The following SLC35A1 variants were observed in gnomAD, a reference collection of about 807,000 sequenced individuals.
SLC35A1 encodes the protein solute carrier family 35 member A1.
A neutral mutation model predicts 40.3 loss-of-function variants in SLC35A1; 21 were observed. The observed-to-expected ratio is 0.52, with a 90% CI of 0.37 to 0.75. The LOEUF is 0.75. Ranked by LOEUF, SLC35A1 falls within the 30% of genes least tolerant of loss-of-function variation. The probability of loss-of-function intolerance (pLI) is 0.00; values close to 1 mark genes in which losing one functional copy is unlikely to be tolerated. For synonymous variants in SLC35A1, 146 were observed against 147.3 expected (o/e 0.99, Z 0.06); for missense variants, 297 against 382.1 (o/e 0.78, Z 1.86).
chr6:87,480,912 G>T (rs1264763006), intron 2 of SLC35A1, among the ~76,000 whole-genome samples: 1 of 152,152 alleles, frequency 6.6e-6, no homozygotes, highest in Non-Finnish European at 1.5e-5. Flanking sequence ...AGTCTTGGTG[G>T]TTAGCAGCAC....
intron 1 of SLC35A1, among the ~76,000 whole-genome samples, chr6:87,473,755 G>C (rs375358590): frequency 1.3e-5 from 2 of 152,230 alleles, no homozygotes; most frequent in East Asian, 3.8e-4. Flanking sequence ...TTGCTGAGCA[G>C]TGTGTGTAAG....
chr6:87,508,389 T>G, intron 5 of SLC35A1, 31 bp from the exon 6 acceptor site: 1 of 1,401,648 alleles, frequency 7.1e-7, no homozygotes, highest in Non-Finnish European at 1.0e-6. Context: ...TATAGTAATC[T>G]TTAATATTTG....
Position 87,508,474 on chromosome 6 carries a change from A to G in SLC35A1, c.629A>G (p.Asn210Ser), listed in dbSNP as rs1337480441. 1.2e-6 allele frequency: 2 copies of G among 1,612,554 alleles called. No individual in the cohort carries two copies. Among genetic ancestry groups the G allele is most frequent in the Non-Finnish European group, 1.7e-6 (2 of 1,178,996 alleles). The change falls in exon 6 of 8, where the codon AAC becomes AGC. Residue 210 changes from asparagine (N) to serine (S), a missense_variant. Physicochemically the swap from Asn to Ser is conservative, Grantham distance 46. Transcript: ENST00000369552. Reference protein sequence around the residue: ...KSSDTSLWVRNIQMYLSGIIV... With the variant: ...KSSDTSLWVRSIQMYLSGIIV... ...TCAGATACTTCTCTTTGGGTGAGAA[A>G]CATTCAAATGTATCTATCAGGGATT...
At chr6:87,481,417 C>CAA (rs200106266) in intron 2 of SLC35A1, among the ~76,000 whole-genome samples, 10 of 116,812 alleles carry the variant, frequency 8.6e-5, no homozygotes, top group East Asian at 2.6e-4. Context: ...AACTCTGACT[C>CAA]AAAAAAAAAA....
chr6:87,499,308 A>G (rs1386934728), intron 2 of SLC35A1: 3 of 167,096 alleles, frequency 1.8e-5, no homozygotes, highest in African/African-American at 7.2e-5. Flanking sequence ...CATTGTAATT[A>G]TCAAACTTTG....
intron 1 of SLC35A1, among the ~76,000 whole-genome samples, chr6:87,475,060 A>G (rs1384597232): frequency 1.3e-5 from 2 of 152,210 alleles, no homozygotes; most frequent in Non-Finnish European, 2.9e-5. Flanking sequence ...AATCTAGGAC[A>G]TGAGATGGCA....
intron 2 of SLC35A1, chr6:87,498,963 GTT>G (rs1331880002): frequency 1.8e-5 from 3 of 170,482 alleles, no homozygotes; most frequent in Non-Finnish European, 3.5e-5. Context: ...TTCGAATAGA[GTT>G]TGTAGTCCAC....
At chr6:87,497,887 C>T (rs1769790933) in intron 2 of SLC35A1, among the ~76,000 whole-genome samples, 2 of 138,900 alleles carry the variant, frequency 1.4e-5, no homozygotes, top group African/African-American at 2.7e-5. Context: ...TGCCACCACT[C>T]CTGGCAGTTT....
At chr6:87,498,266 T>C (rs113618554) in intron 2 of SLC35A1, among the ~76,000 whole-genome samples, 159 of 152,262 alleles carry the variant, frequency 1.0e-3, no homozygotes, top group African/African-American at 3.5e-3. Context: ...TGAGTCAGCA[T>C]TTTAGAAGGG....
At chr6:87,511,366 T>C (rs199834570) in intron 7 of SLC35A1, 33 bp from the exon 8 acceptor site, 14 of 1,611,560 alleles carry the variant, frequency 8.7e-6, no homozygotes, top group Admixed American at 5.0e-5. Context: ...AAGACACACA[T>C]ACAGATAAAG....
At chr6:87,500,765 T>G in intron 3 of SLC35A1, 98 bp downstream of exon 3, 1 of 1,031,638 alleles carries the variant, frequency 9.7e-7, no homozygotes. Flanking sequence ...TTTTTTTTTT[T>G]GAGATGGAGT....
chr6:87,489,279 T>TG (rs60975772), intron 2 of SLC35A1, among the ~76,000 whole-genome samples: 60,059 of 151,784 alleles, frequency 0.4, 12,060 homozygotes, highest in Admixed American at 0.47. Context: ...GTTTAGGTTG[T>TG]GGGGGCAAAT....
chr6:87,506,073 T>C (rs1235793956), intron 4 of SLC35A1, among the ~76,000 whole-genome samples: 2 of 152,226 alleles, frequency 1.3e-5, no homozygotes, highest in Non-Finnish European at 2.9e-5. Context: ...TTAAGTAGTA[T>C]GCTGACTTGG....
chr6:87,507,317 A>T (rs1770116988), intron 5 of SLC35A1, among the ~76,000 whole-genome samples: 1 of 152,228 alleles, frequency 6.6e-6, no homozygotes, highest in Non-Finnish European at 1.5e-5. Context: ...ATACTTACTG[A>T]TAGCATTGTG....
At chr6:87,483,706 G>T (rs1769312320) in intron 2 of SLC35A1, among the ~76,000 whole-genome samples, 2 of 152,136 alleles carry the variant, frequency 1.3e-5, no homozygotes, top group African/African-American at 4.8e-5. Flanking sequence ...TGCTCCGGAA[G>T]CCTCAACCCC....
rs187908973 is a variant in SLC35A1, at chr6:87,496,371, T to C, written c.195-4137T>C. ...ACTATATCTAAAAAGAAATTTAATATATGTTTTTGATTATATACGCTCTTT... is the reference window on the plus strand; with the variant it reads ...ACTATATCTAAAAAGAAATTTAATACATGTTTTTGATTATATACGCTCTTT... On this transcript the variant is annotated intron_variant, in intron 2 of 7. Transcript: ENST00000369552. Among the ~76,000 whole-genome samples, 381 of 152,316 alleles carry C rather than the reference T, an allele frequency of 2.5e-3. 2 individuals carry two copies. Among genetic ancestry groups the C allele is most frequent in the African/African-American group, 8.8e-3 (366 of 41,570 alleles).
At chr6:87,473,652 C>T (rs1428859534) in intron 1 of SLC35A1, among the ~76,000 whole-genome samples, 1 of 150,840 alleles carries the variant, frequency 6.6e-6, no homozygotes, top group Non-Finnish European at 1.5e-5. Context: ...ATCCACCTCC[C>T]TCCTCCTGAG....
In SLC35A1 at chr6:87,508,549, A is replaced by T. The variant is rs752665427; in HGVS notation, c.704A>T (p.Glu235Val). ...TTGTCAGATGGAGCTGAAATTAAAGAAAAAGGATTTTTCTATGGTTACACA... is the reference window on the plus strand; with the variant it reads ...TTGTCAGATGGAGCTGAAATTAAAGTAAAAGGATTTTTCTATGGTTACACA... ...VYLSDGAEIK[E>V]KGFFYGYTYY... The change falls in exon 6 of 8, where the codon GAA becomes GTA. Residue 235 changes from glutamate (E) to valine (V), a missense_variant. Coordinates refer to ENST00000369552, the MANE Select transcript of SLC35A1 (RefSeq NM_006416.5). 1 of 1,613,228 alleles carries T rather than the reference A, an allele frequency of 6.2e-7. No homozygotes were observed. The highest frequency in any genetic ancestry group is 8.5e-7 in the Non-Finnish European group (1 of 1,179,594).
chr6:87,482,666 C>G (rs551871393), intron 2 of SLC35A1, among the ~76,000 whole-genome samples: 73 of 152,322 alleles, frequency 4.8e-4, no homozygotes, highest in African/African-American at 1.7e-3. Context: ...GGAGTTCCTT[C>G]TAGGTCTGGT....
Sources: allele counts gnomAD v4.1 joint callset (sites outside exome capture counted in the v4.1 genomes callset), GRCh38; gene constraint gnomAD v4.1.1; transcripts MANE v1.5; gene names NCBI Gene and HGNC (gene_info 2026-07-23, HGNC 2026-07-21).